Variants in NLK observed in about 807,000 individuals in gnomAD.
NLK encodes the protein nemo like kinase.
NLK carries 11 observed loss-of-function variants against 59.0 expected under a neutral mutation model. The ratio of observed to expected loss-of-function variants is 0.19; its 90% confidence interval spans 0.12 to 0.31. NLK has a LOEUF of 0.31. Among genes scored for constraint, NLK ranks in the 10% least tolerant of loss-of-function variants. The probability of loss-of-function intolerance (pLI) is 1.00; values close to 1 mark genes in which losing one functional copy is unlikely to be tolerated. For missense variants in NLK, 410 were observed against 661.1 expected (o/e 0.62, Z 4.16); for synonymous variants, 235 against 235.9 (o/e 1.00, Z 0.03).
intron 1 of NLK, among the ~76,000 whole-genome samples, chr17:28,119,806 A>G (rs1905945848): frequency 3.3e-5 from 5 of 152,236 alleles, no homozygotes; most frequent in Admixed American, 3.3e-4. Context: ...CAGTAATGGG[A>G]CATACTGACA....
chr17:28,081,975 C>A (rs771531374), intron 1 of NLK, among the ~76,000 whole-genome samples: 3 of 152,222 alleles, frequency 2.0e-5, no homozygotes, highest in Non-Finnish European at 4.4e-5. Context: ...ATCACTGTAA[C>A]CTCTACCTCC....
intron 3 of NLK, among the ~76,000 whole-genome samples, chr17:28,156,751 A>G (rs1907759631): frequency 6.6e-6 from 1 of 152,184 alleles, no homozygotes. Context: ...TGGGACATGA[A>G]TAATTCTAGG....
At chr17:28,075,306 A>G (rs1910129584) in intron 1 of NLK, among the ~76,000 whole-genome samples, 1 of 152,238 alleles carries the variant, frequency 6.6e-6, no homozygotes, top group Non-Finnish European at 1.5e-5. Context: ...AAGGTCTGCC[A>G]CTGGATAGGC....
chr17:28,163,867 G>C lies in NLK; in HGVS notation c.837+239G>C, dbSNP rs535385280. On this transcript the variant is annotated intron_variant, in intron 5 of 10. Transcript: ENST00000407008. ...TGAAATTGGAATTGTAGTGTAACTA[G>C]AAAGAAGAATAGACAAGGTGACTCC... Among the ~76,000 whole-genome samples the C allele has an allele frequency of 5.3e-5, 8 of 152,262 alleles. No individual in the cohort carries two copies. The South Asian group carries it at 1.0e-3, about 20-fold the overall frequency.
intron 10 of NLK, among the ~76,000 whole-genome samples, chr17:28,193,210 G>A (rs1005362745): frequency 2.0e-5 from 3 of 152,214 alleles, no homozygotes; most frequent in African/African-American, 7.2e-5. Flanking sequence ...AATGCAGAAA[G>A]CAGCCACTCC....
At chr17:28,140,175 G>A (rs962406524) in intron 3 of NLK, among the ~76,000 whole-genome samples, 3 of 152,044 alleles carry the variant, frequency 2.0e-5, no homozygotes, top group Admixed American at 6.6e-5. Flanking sequence ...AAGCTAGGTG[G>A]GGCCAAGTCA....
rs1197328120 is a variant in NLK, at chr17:28,161,155, T to TC, written c.645-4dup. 3 of 1,559,544 alleles carry TC rather than the reference T, an allele frequency of 1.9e-6. 1 individual carries two copies. Among genetic ancestry groups the TC allele is most frequent in the Non-Finnish European group, 2.7e-6 (3 of 1,130,374 alleles). ...GCCGAACTCTCCTTAACTTAAAACTTCAAGATATGTTGTCACAGAATTGAT... is the reference window on the plus strand; with the variant it reads ...GCCGAACTCTCCTTAACTTAAAACTTCCAAGATATGTTGTCACAGAATTGAT... On this transcript the variant is annotated splice_region_variant and splice_polypyrimidine_tract_variant and intron_variant, in intron 3 of 10. Coordinates refer to ENST00000407008, the MANE Select transcript of NLK (RefSeq NM_016231.5).
chr17:28,079,141 G>A (rs918243012), intron 1 of NLK, among the ~76,000 whole-genome samples: 3 of 152,114 alleles, frequency 2.0e-5, no homozygotes, highest in Non-Finnish European at 4.4e-5. Context: ...GTCTTTTTGT[G>A]ACTAGAATAT....
chr17:28,116,547 C>T (rs947222522), intron 1 of NLK: 2 of 152,144 alleles, frequency 1.3e-5, no homozygotes, highest in African/African-American at 4.8e-5. Context: ...ATTAGCTTAG[C>T]CATTAAAATA....
At chr17:28,135,400 C>T (rs547078101) in intron 3 of NLK, among the ~76,000 whole-genome samples, 31 of 152,332 alleles carry the variant, frequency 2.0e-4, no homozygotes, top group Admixed American at 9.1e-4. Flanking sequence ...TCCTTTTTCC[C>T]TTCCCCTCCA....
At chr17:28,120,005 AT>A (rs1905955855) in intron 1 of NLK, among the ~76,000 whole-genome samples, 3 of 152,190 alleles carry the variant, frequency 2.0e-5, no homozygotes. Flanking sequence ...TAACTTCTAG[AT>A]TAGAGAATAC....
intron 7 of NLK, among the ~76,000 whole-genome samples, chr17:28,181,937 T>C (rs1336360272): frequency 6.6e-6 from 1 of 152,038 alleles, no homozygotes; most frequent in Non-Finnish European, 1.5e-5. Flanking sequence ...TTGAGCCTAG[T>C]AGGTGGAGGC....
chr17:28,135,380 T>C (rs528827735), intron 3 of NLK, among the ~76,000 whole-genome samples: 1 of 152,238 alleles, frequency 6.6e-6, no homozygotes, highest in South Asian at 2.1e-4. Context: ...AGCTGCCGAG[T>C]CTCCAGCCCT....
chr17:28,082,429 T>C (rs1194864736), intron 1 of NLK, among the ~76,000 whole-genome samples: 3 of 152,248 alleles, frequency 2.0e-5, no homozygotes, highest in Admixed American at 6.5e-5. Flanking sequence ...GGAAATACTT[T>C]GGCAAAATGC....
At position 28,168,500 on chromosome 17, in the gene NLK, T is replaced by C; in HGVS notation, c.890T>C (p.Met297Thr). The change falls in exon 6 of 11, where the codon ATG (methionine) becomes ACG (threonine). Residue 297 changes from methionine (M) to threonine (T), a missense_variant. By Grantham distance (81) the Met-to-Thr change is moderately conservative. Transcript: ENST00000407008. ...RVEELDESRH[M>T]TQEVVTQYYR... ...GAAGAATTAGATGAATCCCGTCATATGACTCAGGAAGTTGTTACTCAGTAT... is the reference window on the plus strand; with the variant it reads ...GAAGAATTAGATGAATCCCGTCATACGACTCAGGAAGTTGTTACTCAGTAT... The C allele has an allele frequency of 6.2e-7, 1 of 1,613,948 alleles. No individual in the cohort carries two copies. Among genetic ancestry groups the C allele is most frequent in the Non-Finnish European group, 8.5e-7 (1 of 1,179,818 alleles).
chr17:28,147,504 G>A (rs1285083109), intron 3 of NLK, among the ~76,000 whole-genome samples: 1 of 152,170 alleles, frequency 6.6e-6, no homozygotes, highest in Non-Finnish European at 1.5e-5. Context: ...TCATGGTACA[G>A]ATCTGCTTTA....
chr17:28,061,690 G>C (rs919002366), intron 1 of NLK, among the ~76,000 whole-genome samples: 2 of 149,424 alleles, frequency 1.3e-5, no homozygotes, highest in Non-Finnish European at 3.0e-5. Context: ...CTAGTAATTG[G>C]TGATTTCTAC....
At position 28,043,216 on chromosome 17, in the gene NLK, G is replaced by T; in HGVS notation, c.343G>T (p.Ala115Ser). Reference protein sequence around the residue: ...PAAAAPAQVQAAAAATVKAHH... With the variant: ...PAAAAPAQVQSAAAATVKAHH... ...TGCAGCAGCCCCAGCTCAGGTACAG[G>T]CTGCCGCAGCTGCTACAGTTAAGGC... The change falls in exon 1 of 11, where the codon GCT becomes TCT. Residue 115 changes from alanine to serine, a missense_variant. By Grantham distance (99) the Ala-to-Ser change is moderately conservative. Around this residue, in one of 5 missense-constraint regions of NLK, gnomAD observed 160 missense variants for 171.0 expected, o/e 0.94. Coordinates refer to ENST00000407008, the MANE Select transcript of NLK (RefSeq NM_016231.5). The T allele has an allele frequency of 6.2e-7, 1 of 1,613,958 alleles. No individual in the cohort carries two copies. The highest frequency in any genetic ancestry group is 1.3e-5 in the African/African-American group (1 of 75,034).
intron 7 of NLK, among the ~76,000 whole-genome samples, chr17:28,173,311 G>A (rs1056979949): frequency 6.6e-6 from 1 of 152,162 alleles, no homozygotes; most frequent in Non-Finnish European, 1.5e-5. Flanking sequence ...TGAACAGGAT[G>A]ACCCAGCAAC....
Sources: gnomAD v4.1 joint callset for allele counts (sites outside exome capture counted in the v4.1 genomes callset) on GRCh38, gnomAD v4.1.1 for gene constraint, gnomAD v4.1.1 regional missense constraint, MANE v1.5 for transcripts, NCBI Gene and HGNC (gene_info 2026-07-23, HGNC 2026-07-21) for gene names.